The following SERPINA6 variants were observed in gnomAD, a reference collection of about 807,000 sequenced individuals.
The protein encoded by SERPINA6 is serpin family A member 6, also known as corticosteroid-binding globulin.
SERPINA6 carries 19 observed loss-of-function variants against 26.4 expected under a neutral mutation model. That is an observed-to-expected ratio of 0.72 (90% CI 0.50 to 1.06). The LOEUF is 1.06. SERPINA6 is among the 50% of genes least tolerant of loss of function. The probability of loss-of-function intolerance (pLI) is 0.00; values close to 1 mark genes in which losing one functional copy is unlikely to be tolerated. For synonymous variants in SERPINA6, 196 were observed against 199.4 expected (o/e 0.98, Z 0.14); for missense variants, 473 against 504.0 (o/e 0.94, Z 0.59).
At chr14:94,309,276 C>T (rs1807210339) in intron 3 of SERPINA6, among the ~76,000 whole-genome samples, 1 of 151,326 alleles carries the variant, frequency 6.6e-6, no homozygotes, top group South Asian at 2.1e-4. Flanking sequence ...AACTTAAGAA[C>T]CATTCATAGA....
At chr14:94,311,430 G>A (rs946635207) in intron 2 of SERPINA6, among the ~76,000 whole-genome samples, 9 of 152,054 alleles carry the variant, frequency 5.9e-5, no homozygotes, top group African/African-American at 2.2e-4. Flanking sequence ...TTTTCTAGGA[G>A]TAAGCATAAT....
At position 94,309,909 on chromosome 14, in the gene SERPINA6, C is replaced by T. The variant is rs144112380; in HGVS notation, c.711G>A (p.Ser237=). The T allele has an allele frequency of 3.3e-4, 529 of 1,613,958 alleles. No individual in the cohort carries two copies. The highest frequency in any genetic ancestry group is 4.1e-4 in the Non-Finnish European group (478 of 1,179,998). ...TVVKVPMMLQ[S]STISYLHDSE... Reference sequence around the variant, plus strand: ...AGTCATGAAGGTAACTGATGGTGCTCGACTGCAACATCATGGGCACCTTCA... The same window carrying T: ...AGTCATGAAGGTAACTGATGGTGCTTGACTGCAACATCATGGGCACCTTCA... The change falls in exon 3 of 5, where the codon TCG becomes TCA. Residue 237 remains serine, a synonymous_variant. Coordinates refer to ENST00000341584, the MANE Select transcript of SERPINA6 (RefSeq NM_001756.4).
chr14:94,315,891 T>G (rs1895607031), intron 1 of SERPINA6, among the ~76,000 whole-genome samples: 1 of 151,272 alleles, frequency 6.6e-6, no homozygotes, highest in African/African-American at 2.4e-5. Context: ...ATAATTCTAT[T>G]CTCATCCCTT....
At chr14:94,317,930 A>G (rs2139726323) in intron 1 of SERPINA6, among the ~76,000 whole-genome samples, 1 of 152,362 alleles carries the variant, frequency 6.6e-6, no homozygotes, top group Middle Eastern at 3.4e-3. Context: ...AGATGACATG[A>G]TCTTATATGT....
At chr14:94,319,589 A>G (rs1432890839) in intron 1 of SERPINA6, among the ~76,000 whole-genome samples, 1 of 152,252 alleles carries the variant, frequency 6.6e-6, no homozygotes, top group Non-Finnish European at 1.5e-5. Flanking sequence ...ATGAATAAAC[A>G]AAGTCTGGTA....
intron 4 of SERPINA6, 37 bp from the exon 5 acceptor site, chr14:94,304,640 G>A (rs1376145150): frequency 6.4e-7 from 1 of 1,558,020 alleles, no homozygotes; most frequent in Non-Finnish European, 8.8e-7. Context: ...AGTGAGACCT[G>A]CTGTGCGTTC....
Position 94,322,921 on chromosome 14 carries a change from C to T in SERPINA6, c.-20+346G>A, listed in dbSNP as rs151199240. On this transcript the variant is annotated intron_variant, in intron 1 of 4. Coordinates refer to ENST00000341584, the MANE Select transcript of SERPINA6 (RefSeq NM_001756.4). The stretch of plus-strand genomic sequence containing the variant: ...ACTGGAGCAGATGCATTGTAGCTTG[C>T]AGGCTGCGACTCTGTGGCTGTTGTG... Among the ~76,000 whole-genome samples, 17 of 150,838 alleles carry T rather than the reference C, an allele frequency of 1.1e-4. No homozygotes were observed. The East Asian group carries it at 3.4e-3, about 30-fold the overall frequency.
chr14:94,320,105 A>T (rs548681269), intron 1 of SERPINA6, among the ~76,000 whole-genome samples: 1 of 152,180 alleles, frequency 6.6e-6, no homozygotes, highest in African/African-American at 2.4e-5. Context: ...TGCTGTGTGG[A>T]GCTACCTGTA....
chr14:94,322,777 C>T (rs1895701471), intron 1 of SERPINA6, among the ~76,000 whole-genome samples: 1 of 152,232 alleles, frequency 6.6e-6, no homozygotes, highest in African/African-American at 2.4e-5. Flanking sequence ...CCCCAGGTCA[C>T]TGAGTGAGGA....
At chr14:94,313,685 G>A (rs1172921286) in intron 2 of SERPINA6, among the ~76,000 whole-genome samples, 2 of 152,302 alleles carry the variant, frequency 1.3e-5, no homozygotes, top group African/African-American at 4.8e-5. Context: ...CCAAGGGGCT[G>A]GGTGGGGTTC....
chr14:94,305,976 C>A, intron 4 of SERPINA6, 95 bp downstream of exon 4: 1 of 1,432,560 alleles, frequency 7.0e-7, no homozygotes, highest in Admixed American at 1.8e-5. Flanking sequence ...GACCTAGAGG[C>A]TCATTCATGA....
chr14:94,309,040 C>T (rs1283837286), intron 3 of SERPINA6, among the ~76,000 whole-genome samples: 1 of 152,234 alleles, frequency 6.6e-6, no homozygotes, highest in Non-Finnish European at 1.5e-5. Context: ...TGCTGACTCA[C>T]ATCCTCAGCT....
At chr14:94,319,299 T>C (rs1331314951) in intron 1 of SERPINA6, among the ~76,000 whole-genome samples, 3 of 152,182 alleles carry the variant, frequency 2.0e-5, no homozygotes, top group Non-Finnish European at 4.4e-5. Flanking sequence ...AAAATTTTTT[T>C]TTTAATTTAA....
At chr14:94,320,245 A>G (rs1292135746) in intron 1 of SERPINA6, among the ~76,000 whole-genome samples, 1 of 152,202 alleles carries the variant, frequency 6.6e-6, no homozygotes. Context: ...GTGTTGTGTT[A>G]AATTAAATTA....
chr14:94,314,566 G>T lies in SERPINA6; in HGVS notation c.83C>A (p.Ala28Asp). Residue 28 changes from alanine (A) to aspartate (D), a missense_variant, in exon 2 of 5, where the codon GCT (alanine) becomes GAT (aspartate). Transcript: ENST00000341584. ...GTGATGGTTACTCATGTTCACATAA[G>T]CAGCGTTAGGATCCATGGCCTGGAC... ...WTVQAMDPNA[A>D]YVNMSNHHRG... 6.2e-7 allele frequency: 1 copy of T among 1,614,248 alleles called. No homozygotes were observed. The highest frequency in any genetic ancestry group is 8.5e-7 in the Non-Finnish European group (1 of 1,180,052).
intron 1 of SERPINA6, among the ~76,000 whole-genome samples, chr14:94,321,858 C>A (rs1895688314): frequency 6.6e-6 from 1 of 152,212 alleles, no homozygotes; most frequent in African/African-American, 2.4e-5. Context: ...CTCTCAGGCA[C>A]AGGCCCTGTG....
intron 1 of SERPINA6, among the ~76,000 whole-genome samples, chr14:94,323,044 C>T (rs546841571): frequency 3.2e-4 from 49 of 152,230 alleles, no homozygotes; most frequent in Non-Finnish European, 6.0e-4. Flanking sequence ...CCCTGCATGG[C>T]AGGAACCCAG....
chr14:94,313,772 G>A lies in SERPINA6; in HGVS notation c.613+264C>T, dbSNP rs1465162148. ...GCATTTGTGGAGCATGAAGCAGCCA[G>A]ACTGTTCATGGTTACAGGTGTGGGC... is the stretch of plus-strand genomic sequence containing the variant. On this transcript the variant is annotated intron_variant, in intron 2 of 4. Coordinates refer to ENST00000341584, the MANE Select transcript of SERPINA6 (RefSeq NM_001756.4). 4 of 611,486 alleles carry A rather than the reference G, an allele frequency of 6.5e-6. No individual in the cohort carries two copies. The African/African-American group carries it at 7.3e-5, about 11-fold the overall frequency. The allele number at this position is 611,486 out of a possible 1,614,324, so 37.9% of individuals were successfully genotyped here.
intron 4 of SERPINA6, among the ~76,000 whole-genome samples, chr14:94,305,472 C>A (rs1002578951): frequency 6.6e-6 from 1 of 152,196 alleles, no homozygotes; most frequent in African/African-American, 2.4e-5. Context: ...TTGACTCAAT[C>A]CACTCACACA....
Sources: allele counts gnomAD v4.1 joint callset (sites outside exome capture counted in the v4.1 genomes callset), GRCh38; gene constraint gnomAD v4.1.1; transcripts MANE v1.5; gene names NCBI Gene and HGNC (gene_info 2026-07-23, HGNC 2026-07-21).